Variants in TPO observed in about 807,000 individuals in gnomAD.
TPO encodes the protein thyroid peroxidase.
In TPO, 78 loss-of-function variants were observed where a neutral mutation model predicts 96.9. That is an observed-to-expected ratio of 0.81 (90% CI 0.67 to 0.97). TPO has a LOEUF of 0.97. TPO is among the 50% of genes least tolerant of loss of function. TPO has a pLI of 0.00. For missense variants in TPO, 1,252 were observed against 1,274.8 expected, an observed-to-expected ratio of 0.98 and a Z score of 0.27; for synonymous variants, 547 against 538.0, an observed-to-expected ratio of 1.02 and a Z score of -0.23.
At chr2:1,459,952 T>C (rs1432965211) in intron 7 of TPO, among the ~76,000 whole-genome samples, 2 of 151,554 alleles carry the variant, frequency 1.3e-5, no homozygotes, top group African/African-American at 2.4e-5. Flanking sequence ...CTTTCTTTTT[T>C]TTTTTTTTTG....
intron 15 of TPO, among the ~76,000 whole-genome samples, chr2:1,534,299 C>A: frequency 6.8e-6 from 1 of 146,956 alleles, no homozygotes; most frequent in Non-Finnish European, 1.5e-5. Flanking sequence ...CTCACATCCC[C>A]CTCGCTGTGC....
In TPO at chr2:1,529,173, G is replaced by T. The variant is rs560986668; in HGVS notation, c.2619-11421G>T. 5.4e-5 allele frequency among the ~76,000 whole-genome samples: 3 copies of T among 55,372 alleles called. 1 individual carries two copies. In the East Asian group the frequency reaches 1.9e-3, roughly 35 times the overall value. 36.3% of individuals were successfully genotyped at this position (55,372 alleles called of 152,430 possible). ...CAACCTCCCTGAATCCCCCCACTGT[G>T]TGCAGCCTCTCCAAATCCCCCCCAC... On this transcript the variant is annotated intron_variant, in intron 15 of 16. Coordinates refer to ENST00000329066, the MANE Select transcript of TPO (RefSeq NM_001206744.2).
intron 14 of TPO, among the ~76,000 whole-genome samples, chr2:1,508,078 A>G (rs1196648884): frequency 6.6e-6 from 1 of 151,246 alleles, no homozygotes; most frequent in African/African-American, 2.4e-5. Context: ...TAATTTATTG[A>G]GAGTTTTTAG....
intron 6 of TPO, among the ~76,000 whole-genome samples, chr2:1,455,681 G>A (rs28910571): frequency 0.067 from 10,234 of 152,276 alleles, 578 homozygotes; most frequent in African/African-American, 0.14. Flanking sequence ...TCAAGGCCAA[G>A]GAGTACTCGC....
At chr2:1,512,114 A>G (rs537569835) in intron 14 of TPO, among the ~76,000 whole-genome samples, 1 of 152,026 alleles carries the variant, frequency 6.6e-6, no homozygotes, top group South Asian at 2.1e-4. Flanking sequence ...GCCCACTGCA[A>G]GCTCCACCTC....
chr2:1,420,305 T>C (rs1174172434), intron 2 of TPO, among the ~76,000 whole-genome samples: 21 of 152,236 alleles, frequency 1.4e-4, no homozygotes, highest in Non-Finnish European at 1.5e-5. Context: ...TGTTTCTTTA[T>C]ATTTAATCAG....
chr2:1,493,929 C>G lies in TPO; in HGVS notation c.1896C>G (p.Ile632Met), dbSNP rs774910439. The change falls in exon 11 of 17, where the codon ATC becomes ATG. Residue 632 changes from isoleucine to methionine, a missense_variant. Coordinates refer to ENST00000329066, the MANE Select transcript of TPO (RefSeq NM_001206744.2). Reference sequence around the variant, plus strand: ...ACTTGTACAAGCATCCTGACAACATCGATGTCTGGCTGGGAGGCTTAGCTG... The same window carrying G: ...ACTTGTACAAGCATCCTGACAACATGGATGTCTGGCTGGGAGGCTTAGCTG... ...ILDLYKHPDNIDVWLGGLAEN... is the reference protein window; with the variant it reads ...ILDLYKHPDNMDVWLGGLAEN... The G allele has an allele frequency of 1.2e-6, 2 of 1,614,214 alleles. No homozygotes were observed. Among genetic ancestry groups the G allele is most frequent in the South Asian group, 2.2e-5 (2 of 91,090 alleles).
At chr2:1,489,213 C>T (rs186677944) in intron 10 of TPO, among the ~76,000 whole-genome samples, 3 of 150,554 alleles carry the variant, frequency 2.0e-5, no homozygotes, top group South Asian at 2.1e-4. Context: ...AGCACATGCC[C>T]AGCACACGCC....
chr2:1,391,128 C>T lies in TPO; in HGVS notation n.180+16726C>T, dbSNP rs146993342. 3.0e-3 allele frequency among the ~76,000 whole-genome samples: 462 copies of T among 152,246 alleles called. 4 individuals carry two copies. The highest frequency in any genetic ancestry group is 0.01 in the African/African-American group (433 of 41,556). ...CCCATGCCTATGTCCTGAATGGTAT[C>T]GCCTAGGTTTTCTTCTAGATTTTCT... On this transcript the variant is annotated intron_variant and non_coding_transcript_variant, in intron 1 of 5. Transcript: ENST00000497517.
chr2:1,534,497 C>T (rs1339847895), intron 15 of TPO, among the ~76,000 whole-genome samples: 2 of 87,640 alleles, frequency 2.3e-5, no homozygotes, highest in Admixed American at 1.4e-4. Context: ...AAACCCCCCA[C>T]GCAGTGTGCA....
chr2:1,404,581 G>A (rs1662220293), intron 1 of TPO, among the ~76,000 whole-genome samples: 1 of 152,140 alleles, frequency 6.6e-6, no homozygotes, highest in East Asian at 1.9e-4. Flanking sequence ...ACACACAGAG[G>A]GATGACTGTG....
chr2:1,521,613 A>T (rs931412659), intron 15 of TPO, among the ~76,000 whole-genome samples: 1 of 152,158 alleles, frequency 6.6e-6, no homozygotes, highest in Non-Finnish European at 1.5e-5. Flanking sequence ...AATTGTCTTC[A>T]GGACGTCATT....
intron 7 of TPO, among the ~76,000 whole-genome samples, chr2:1,459,120 C>T (rs1668157951): frequency 1.3e-5 from 2 of 151,872 alleles, no homozygotes; most frequent in South Asian, 2.1e-4. Context: ...TTATTTCTCT[C>T]TGGAAACCAG....
At chr2:1,465,474 G>A (rs574711438) in intron 7 of TPO, among the ~76,000 whole-genome samples, 4 of 152,184 alleles carry the variant, frequency 2.6e-5, no homozygotes, top group African/African-American at 9.6e-5. Flanking sequence ...TGTTGAATTT[G>A]TAGATTGCTT....
chr2:1,433,509 G>A lies in TPO; in HGVS notation c.251G>A (p.Ser84Asn). 1 of 1,614,160 alleles carries A rather than the reference G, an allele frequency of 6.2e-7. No homozygotes were observed. Among genetic ancestry groups the A allele is most frequent in the Non-Finnish European group, 8.5e-7 (1 of 1,180,038 alleles). The change falls in exon 4 of 17, where the codon AGC (serine) becomes AAC (asparagine). Residue 84 changes from serine to asparagine, a missense_variant. Ser to Asn is a conservative substitution (Grantham distance 46). Coordinates refer to ENST00000329066, the MANE Select transcript of TPO (RefSeq NM_001206744.2). ...LSFSKLPEPT[S>N]GVIARAAEIM... ...TTTTCCAAACTTCCTGAGCCAACAAGCGGAGTGATTGCCCGAGCAGCAGAG... is the reference window on the plus strand; with the variant it reads ...TTTTCCAAACTTCCTGAGCCAACAAACGGAGTGATTGCCCGAGCAGCAGAG...
At chr2:1,490,824 T>C (rs934449177) in intron 10 of TPO, among the ~76,000 whole-genome samples, 1 of 152,208 alleles carries the variant, frequency 6.6e-6, no homozygotes, top group African/African-American at 2.4e-5. Context: ...CACTACGCCC[T>C]GAAATCTTTT....
At chr2:1,410,319 A>G (rs553699189), upstream of TPO, among the ~76,000 whole-genome samples, 4 of 152,334 alleles carry the variant, frequency 2.6e-5, no homozygotes, top group South Asian at 6.2e-4. Flanking sequence ...AATGGCAAGT[A>G]AAAAAGGCAA....
intron 7 of TPO, among the ~76,000 whole-genome samples, chr2:1,467,716 T>A (rs1179685314): frequency 6.6e-6 from 1 of 151,970 alleles, no homozygotes; most frequent in African/African-American, 2.4e-5. Context: ...TGTTCCAGGG[T>A]ATAGTTTAAA....
intron 5 of TPO, among the ~76,000 whole-genome samples, chr2:1,437,014 G>C (rs1335140531): frequency 6.6e-6 from 1 of 152,226 alleles, no homozygotes; most frequent in African/African-American, 2.4e-5. Context: ...CACAATGGCA[G>C]GAGATGGACA....
Sources: allele counts gnomAD v4.1 joint callset (sites outside exome capture counted in the v4.1 genomes callset), GRCh38; gene constraint gnomAD v4.1.1; transcripts MANE v1.5; gene names NCBI Gene and HGNC (gene_info 2026-07-23, HGNC 2026-07-21).